MYO1E: variants seen among roughly 807,000 people sequenced by gnomAD.
MYO1E encodes unconventional myosin-Ie.
MYO1E carries 68 observed loss-of-function variants against 151.1 expected under a neutral mutation model. The ratio of observed to expected loss-of-function variants is 0.45; its 90% CI spans 0.37 to 0.55. MYO1E has a LOEUF of 0.55. MYO1E is among the 20% of genes least tolerant of loss of function. MYO1E has a pLI of 0.00. For synonymous variants in MYO1E, 601 were observed against 501.7 expected (o/e 1.20, Z -2.64); for missense variants, 1,363 against 1,389.3 (o/e 0.98, Z 0.30).
At chr15:59,246,214 T>C (rs56752228) in intron 4 of MYO1E, among the ~76,000 whole-genome samples, 22,963 of 152,072 alleles carry the variant, frequency 0.15, 2,623 homozygotes, top group East Asian at 0.53. Flanking sequence ...GCCTCCTGGG[T>C]TCAAGTGATT....
intron 1 of MYO1E, among the ~76,000 whole-genome samples, chr15:59,365,295 G>A (rs1029861990): frequency 6.6e-6 from 1 of 151,938 alleles, no homozygotes; most frequent in Non-Finnish European, 1.5e-5. Flanking sequence ...CTGGGATTAC[G>A]GGCGTTAGCC....
chr15:59,204,183 T>G (rs1180445537), intron 15 of MYO1E, among the ~76,000 whole-genome samples: 1 of 152,164 alleles, frequency 6.6e-6, no homozygotes. Flanking sequence ...AACAAATTGA[T>G]TATGTATGTT....
chr15:59,184,830 G>A (rs1190323065), intron 18 of MYO1E, among the ~76,000 whole-genome samples: 2 of 152,124 alleles, frequency 1.3e-5, no homozygotes, highest in Non-Finnish European at 2.9e-5. Flanking sequence ...GGATCATATG[G>A]TAGCTCTATT....
At chr15:59,151,442 AC>A (rs1253140347) in intron 26 of MYO1E, among the ~76,000 whole-genome samples, 18 of 147,598 alleles carry the variant, frequency 1.2e-4, no homozygotes, top group African/African-American at 3.5e-4. Flanking sequence ...CAAACAAAAA[AC>A]CCCCCCCAAA....
chr15:59,368,110 ACT>A (rs1183196325), intron 1 of MYO1E, among the ~76,000 whole-genome samples: 119 of 151,894 alleles, frequency 7.8e-4, no homozygotes, highest in African/African-American at 2.7e-3. Context: ...CAAGAGCAAA[ACT>A]CTGTCTCAAA....
intron 2 of MYO1E, among the ~76,000 whole-genome samples, chr15:59,268,718 GTATTTTT>G (rs1339645143): frequency 8.3e-5 from 1 of 12,044 alleles, no homozygotes; most frequent in African/African-American, 1.4e-4. Flanking sequence ...GGTGACTTTG[GTATTTTT>G]TTTTTTTTTT....
At chr15:59,190,545 A>G (rs2079726635) in intron 17 of MYO1E, among the ~76,000 whole-genome samples, 1 of 152,168 alleles carries the variant, frequency 6.6e-6, no homozygotes, top group Admixed American at 6.5e-5. Flanking sequence ...GGGTCACCAA[A>G]AAAGGACAAT....
chr15:59,262,398 C>T (rs1321897264), intron 2 of MYO1E, among the ~76,000 whole-genome samples: 1 of 152,026 alleles, frequency 6.6e-6, no homozygotes, highest in Non-Finnish European at 1.5e-5. Context: ...GGGTGGATCG[C>T]TTTAGGCCAG....
At chr15:59,306,255 T>C (rs576578161) in intron 1 of MYO1E, among the ~76,000 whole-genome samples, 2 of 152,374 alleles carry the variant, frequency 1.3e-5, no homozygotes, top group South Asian at 2.1e-4. Flanking sequence ...TACATTATTA[T>C]AGATTACCTG....
rs756907895 is a variant in MYO1E, at chr15:59,231,764, T to C, written c.448A>G (p.Asn150Asp). The change falls in exon 6 of 28, where the codon AAC becomes GAC. Residue 150 changes from asparagine (N) to aspartate (D), a missense_variant. By Grantham distance (23) the Asn-to-Asp change is conservative (BLOSUM62 1). Coordinates refer to ENST00000288235, the MANE Select transcript of MYO1E (RefSeq NM_004998.4). ...QHVKDIILQS[N>D]PLLEAFGNAK... ...TTCCCGAAGGCCTCCAGCAGCGGGT[T>C]GGACTGCAGGATAATGTCCTTCACG... The C allele has an allele frequency of 1.2e-6, 2 of 1,614,190 alleles. No homozygotes were observed. The highest frequency in any genetic ancestry group is 1.7e-6 in the Non-Finnish European group (2 of 1,180,024).
Position 59,310,702 on chromosome 15 carries a change from G to T in MYO1E, c.4-38253C>A, listed in dbSNP as rs117509775. On this transcript the variant is annotated intron_variant, in intron 1 of 27. Coordinates refer to ENST00000288235, the MANE Select transcript of MYO1E (RefSeq NM_004998.4). The stretch of plus-strand genomic sequence containing the variant: ...CACCAGTTCATAGCAATTTGTTAAG[G>T]CAGCCCTAGGAAATGAATTATAGTA... Among the ~76,000 whole-genome samples the T allele has an allele frequency of 1.8e-3, 267 of 151,970 alleles. 1 individual carries two copies. Among genetic ancestry groups the T allele is most frequent in the Non-Finnish European group, 3.0e-3 (204 of 67,948 alleles).
chr15:59,300,879 T>G (rs1243795629), intron 1 of MYO1E, among the ~76,000 whole-genome samples: 1 of 148,582 alleles, frequency 6.7e-6, no homozygotes, highest in Non-Finnish European at 1.5e-5. Context: ...TTTTTTTTTT[T>G]TTTTTTGAGA....
chr15:59,277,564 A>AAAAAAAAAAAAAAAAC (rs1555416379), intron 1 of MYO1E, among the ~76,000 whole-genome samples: 25 of 139,818 alleles, frequency 1.8e-4, no homozygotes, highest in African/African-American at 6.7e-4. Context: ...AAAAAAAAAA[A>AAAAAAAAAAAAAAAAC]AAAAAAAAAC....
chr15:59,364,655 T>C (rs2080903367), intron 1 of MYO1E, among the ~76,000 whole-genome samples: 2 of 152,120 alleles, frequency 1.3e-5, no homozygotes, highest in South Asian at 4.1e-4. Context: ...ATGCCTATAA[T>C]CCCAGCACTT....
intron 1 of MYO1E, among the ~76,000 whole-genome samples, chr15:59,315,566 A>G (rs2080583176): frequency 6.6e-6 from 1 of 151,284 alleles, no homozygotes; most frequent in Non-Finnish European, 1.5e-5. Flanking sequence ...AAAAAAAAAA[A>G]GTCTAGTTCT....
chr15:59,193,196 C>T (rs745834602), intron 17 of MYO1E, among the ~76,000 whole-genome samples: 1 of 152,170 alleles, frequency 6.6e-6, no homozygotes, highest in East Asian at 1.9e-4. Context: ...ATCAGAAACT[C>T]GGGATGGAGC....
intron 14 of MYO1E, chr15:59,208,291 G>A: frequency 1.7e-6 from 1 of 582,830 alleles, no homozygotes; most frequent in East Asian, 3.1e-5. Flanking sequence ...AGTATTTTTG[G>A]TACCTCTGAT....
intron 15 of MYO1E, among the ~76,000 whole-genome samples, chr15:59,205,093 C>G (rs1296462344): frequency 6.6e-6 from 1 of 152,092 alleles, no homozygotes; most frequent in African/African-American, 2.4e-5. Flanking sequence ...TAATCCAGAC[C>G]CAATAGCATG....
At chr15:59,328,957 A>C (rs1596420539) in intron 1 of MYO1E, among the ~76,000 whole-genome samples, 1 of 152,210 alleles carries the variant, frequency 6.6e-6, no homozygotes, top group Admixed American at 6.5e-5. Context: ...GCCCACAGCT[A>C]ATCAGGACAG....
Sources: allele counts gnomAD v4.1 joint callset (sites outside exome capture counted in the v4.1 genomes callset), GRCh38; gene constraint gnomAD v4.1.1; transcripts MANE v1.5; gene names NCBI Gene and HGNC (gene_info 2026-07-23, HGNC 2026-07-21).